IVD: variants seen among roughly 807,000 people sequenced by gnomAD.
IVD encodes the protein isovaleryl-CoA dehydrogenase, also known as isovaleryl-CoA dehydrogenase, mitochondrial.
In IVD, 31 loss-of-function variants were observed where a neutral mutation model predicts 51.3. The ratio of observed to expected loss-of-function variants is 0.60; its 90% CI spans 0.45 to 0.81. The LOEUF is 0.81. Ranked by LOEUF, IVD falls within the 40% of genes least tolerant of loss-of-function variation. The probability of loss-of-function intolerance (pLI) is 0.00; values close to 1 mark genes in which losing one functional copy is unlikely to be tolerated. For missense variants in IVD, 475 were observed against 552.0 expected (o/e 0.86, Z 1.40); for synonymous variants, 205 against 219.4 (o/e 0.93, Z 0.58).
At chr15:40,435,399 G>A in intron 8 of IVD, 1 of 1,116,406 alleles carries the variant, frequency 9.0e-7, no homozygotes, top group Non-Finnish European at 1.1e-6. Context: ...CGCTAAAAGA[G>A]GGCTCTCTTT....
At chr15:40,412,760 T>G in intron 6 of IVD, 1 of 539,626 alleles carries the variant, frequency 1.9e-6, no homozygotes, top group Non-Finnish European at 3.3e-6. Context: ...GAGAAAGAAG[T>G]GTCCCCATGA....
At chr15:40,409,324 C>T (rs916923668) in intron 3 of IVD, among the ~76,000 whole-genome samples, 9 of 151,818 alleles carry the variant, frequency 5.9e-5, no homozygotes, top group Non-Finnish European at 8.8e-5. Flanking sequence ...TCGCTTGAGC[C>T]CAGGAGTTCA....
At chr15:40,417,170 C>G (rs1891783046) in intron 11 of IVD, among the ~76,000 whole-genome samples, 1 of 147,104 alleles carries the variant, frequency 6.8e-6, no homozygotes, top group Admixed American at 6.9e-5. Context: ...CGCCATTGCA[C>G]TCCAGCCTGA....
chr15:40,435,534 T>G, exon 9 of IVD: 1 of 1,216,584 alleles, frequency 8.2e-7, no homozygotes, highest in Non-Finnish European at 1.1e-6. Flanking sequence ...CTGCCTGAAC[T>G]CACACCCCGC....
In IVD at chr15:40,410,694, C is replaced by T. The variant is rs148935206; in HGVS notation, c.353C>T (p.Ala118Val). The T allele has an allele frequency of 6.2e-7, 1 of 1,614,110 alleles. No homozygotes were observed. Among genetic ancestry groups the T allele is most frequent in the African/African-American group, 1.3e-5 (1 of 74,942 alleles). ...HVLVMEEISR[A>V]SGAVGLSYGA... is the part of the protein sequence containing the mutation. ...CTGGTGATGGAGGAGATATCCCGAG[C>T]TTCCGGAGCAGTGGGGCTCAGTTAC... is the stretch of plus-strand genomic sequence containing the variant. Residue 118 changes from alanine to valine, a missense_variant, in exon 4 of 12, where the codon GCT becomes GTT. Physicochemically the swap from Ala to Val is moderately conservative, Grantham distance 64. Transcript: ENST00000487418.
At chr15:40,435,171 C>T (rs1227076604) in intron 8 of IVD, among the ~76,000 whole-genome samples, 1 of 152,170 alleles carries the variant, frequency 6.6e-6, no homozygotes, top group Non-Finnish European at 1.5e-5. Flanking sequence ...ATGTGCACCA[C>T]CTGGGGTGGG....
rs906058676 is a variant in IVD at position 40,434,642 on chromosome 15, A to C, written c.780+728A>C. Among the ~76,000 whole-genome samples the C allele has an allele frequency of 7.2e-5, 11 of 152,310 alleles. No homozygotes were observed. The South Asian group carries it at 8.3e-4, about 11-fold the overall frequency. On this transcript the variant is annotated intron_variant, in intron 8 of 8. Transcript: ENST00000473112. ...GGCAGCAGGGAGCAAGGTGGAATTG[A>C]GCTTCAGGAGAGTTTCACCTGAGCT...
At chr15:40,433,791 C>T in intron 7 of IVD, 1 of 454,310 alleles carries the variant, frequency 2.2e-6, no homozygotes, top group South Asian at 1.6e-5. Flanking sequence ...GCCATGTTCT[C>T]AGGAGTCACC....
chr15:40,423,801 A>G (rs559932442), downstream of IVD, among the ~76,000 whole-genome samples: 28 of 152,288 alleles, frequency 1.8e-4, no homozygotes, highest in African/African-American at 6.3e-4. Context: ...ATTTATGAGA[A>G]GTTATGCCCA....
chr15:40,420,777 C>T lies in IVD; in HGVS notation c.*2514C>T, dbSNP rs997144406. The T allele has an allele frequency of 5.1e-6, 5 of 985,528 alleles. No individual in the cohort carries two copies. In the African/African-American group the frequency reaches 5.2e-5, roughly 10 times the overall value. The allele number at this position is 985,528 out of a possible 1,614,324, so 61.0% of individuals were successfully genotyped here. A position where few individuals can be genotyped will look rare whatever the true frequency, so the allele number is the denominator to read the frequency against. ...CAAAACGAACTAGAATCCAGATCTG[C>T]TCATGGCAAAAATGGGGGTGTTCTG... On this transcript the variant is annotated 3_prime_UTR_variant, in exon 12 of 12. Coordinates refer to ENST00000487418, the MANE Select transcript of IVD (RefSeq NM_002225.5).
At chr15:40,413,198 G>T in intron 7 of IVD, 111 bp downstream of exon 7, 1 of 858,498 alleles carries the variant, frequency 1.2e-6, no homozygotes. Flanking sequence ...CATTGTTAGC[G>T]CTTCAGTGAC....
rs373594717 is a variant in IVD, at chr15:40,405,819, A to C, written c.-9A>C. On this transcript the variant is annotated 5_prime_UTR_variant, in exon 1 of 12. The change abolishes an upstream ATG in the 5' untranslated region. Transcript: ENST00000487418. ...CAGTTTCAGCGCTGGCTCTTCGTGC[A>C]TGGCAGAGATGGCGACTGCGACTCG... 1 of 1,610,958 alleles carries C rather than the reference A, an allele frequency of 6.2e-7. No individual in the cohort carries two copies. The highest frequency in any genetic ancestry group is 1.1e-5 in the South Asian group (1 of 90,958).
Position 40,411,546 on chromosome 15 carries a change from T to A in IVD, c.551-9T>A. 1 of 1,614,236 alleles carries A rather than the reference T, an allele frequency of 6.2e-7. No homozygotes were observed. The highest frequency in any genetic ancestry group is 8.5e-7 in the Non-Finnish European group (1 of 1,180,030). On this transcript the variant is annotated splice_polypyrimidine_tract_variant and intron_variant, in intron 5 of 11. Transcript: ENST00000487418. The stretch of plus-strand genomic sequence containing the variant: ...TGGCTTGAGCAAATAGCCAACATCC[T>A]GCCCTTAGGAAATCACTACATCCTG...
chr15:40,423,049 C>G (rs1892452399), downstream of IVD, among the ~76,000 whole-genome samples: 1 of 151,922 alleles, frequency 6.6e-6, no homozygotes, highest in Non-Finnish European at 1.5e-5. Flanking sequence ...CCCTTGCCAC[C>G]CACCCCCAGC....
Position 40,420,203 on chromosome 15 carries a change from C to T in IVD, c.*1940C>T, listed in dbSNP as rs1013759724. The stretch of plus-strand genomic sequence containing the variant: ...TTTGTGTACTGTTGGAAGACTGGCT[C>T]CTCCTGTACAGCACCTCTGAGCCCT... On this transcript the variant is annotated 3_prime_UTR_variant, in exon 12 of 12. Coordinates refer to ENST00000487418, the MANE Select transcript of IVD (RefSeq NM_002225.5). 3.9e-5 allele frequency: 38 copies of T among 985,850 alleles called. No individual in the cohort carries two copies. The highest frequency in any genetic ancestry group is 2.3e-4 in the African/African-American group (13 of 57,266). 61.1% of individuals were successfully genotyped at this position (985,850 alleles called of 1,614,324 possible).
In IVD at chr15:40,434,450, C is replaced by G. The variant is rs554491329; in HGVS notation, c.780+536C>G. 5.3e-5 allele frequency among the ~76,000 whole-genome samples: 8 copies of G among 152,294 alleles called. No homozygotes were observed. In the South Asian group the frequency reaches 1.7e-3, roughly 32 times the overall value. ...TGAGAGACCTAGAATGCCATCCTTC[C>G]TTGGGGCCAGGACTGTGCTAGACAC... is the stretch of plus-strand genomic sequence containing the variant. On this transcript the variant is annotated intron_variant, in intron 8 of 8. Coordinates refer to the IVD transcript ENST00000473112.
At chr15:40,412,752 G>T (rs1891213427) in intron 6 of IVD, 2 of 527,190 alleles carry the variant, frequency 3.8e-6, no homozygotes, top group South Asian at 4.0e-5. Context: ...ATATCATTGA[G>T]AAAGAAGTGT....
chr15:40,422,784 G>GTTTTTTTTTTTTTTTTTTTT (rs2141401651), downstream of IVD, among the ~76,000 whole-genome samples: 1 of 53,938 alleles, frequency 1.9e-5, no homozygotes, highest in East Asian at 2.4e-3. Context: ...ATTTTTAGTA[G>GTTTTTTTTTTTTTTTTTTTT]AGACGGGGTT....
At chr15:40,423,540 C>A (rs1260986828), downstream of IVD, among the ~76,000 whole-genome samples, 1 of 152,226 alleles carries the variant, frequency 6.6e-6, no homozygotes, top group Admixed American at 6.5e-5. Context: ...CAGCTGACTG[C>A]AACCTCCGCC....
Sources: allele counts gnomAD v4.1 joint callset (sites outside exome capture counted in the v4.1 genomes callset), GRCh38; gene constraint gnomAD v4.1.1; transcripts MANE v1.5; gene names NCBI Gene and HGNC (gene_info 2026-07-23, HGNC 2026-07-21).